NOB1: variants seen among roughly 807,000 people sequenced by gnomAD.
NOB1 encodes RNA-binding protein NOB1.
A neutral mutation model predicts 44.8 loss-of-function variants in NOB1; 44 were observed. That is an observed-to-expected ratio of 0.98 (90% CI 0.77 to 1.26). The LOEUF (loss-of-function observed/expected upper bound fraction) is 1.26, where lower values mean the gene tolerates loss of function less well. Among genes scored for constraint, NOB1 ranks in the 50% most tolerant of loss-of-function variants. The pLI is 0.00. For missense variants in NOB1, 560 were observed against 544.8 expected (o/e 1.03, Z -0.28); for synonymous variants, 238 against 218.7 (o/e 1.09, Z -0.78).
rs776068120 is a variant in NOB1 at position 69,748,344 on chromosome 16, TAAAG to T, written c.727-19_727-16del. On this transcript the variant is annotated splice_polypyrimidine_tract_variant and intron_variant, in intron 6 of 8. Coordinates refer to ENST00000268802, the MANE Select transcript of NOB1 (RefSeq NM_014062.3). ...AGCAGAACATTCTACAACCACAAGT[TAAAG>T]AAGAAATCAATTTTCTTTTCACATT... 1.9e-6 allele frequency: 3 copies of T among 1,606,394 alleles called. No homozygotes were observed. The highest frequency in any genetic ancestry group is 1.7e-5 in the Admixed American group (1 of 59,310).
Position 69,752,316 on chromosome 16 carries a change from G to GA in NOB1, c.251dup (p.Gln85ProfsTer27). On this transcript the variant is annotated frameshift_variant, in exon 3 of 9. Coordinates refer to ENST00000268802, the MANE Select transcript of NOB1 (RefSeq NM_014062.3). LOFTEE classifies it high-confidence loss of function. The stretch of plus-strand genomic sequence containing the variant: ...ACTGGTATGTGAGTGCAAGCACTTG[G>GA]ATGTCCGTGGCAGAGAGGCTGGGGT... 6.2e-7 allele frequency: 1 copy of GA among 1,613,888 alleles called. No individual in the cohort carries two copies. Among genetic ancestry groups the GA allele is most frequent in the Non-Finnish European group, 8.5e-7 (1 of 1,179,926 alleles).
At chr16:69,742,639 G>A (rs200370944) in intron 8 of NOB1, 38 bp from the exon 9 acceptor site, 14 of 1,605,938 alleles carry the variant, frequency 8.7e-6, no homozygotes, top group Admixed American at 3.3e-5. Context: ...AGAAGAAGGG[G>A]AGCCACAGTC....
At position 69,749,630 on chromosome 16, in the gene NOB1, C is replaced by T. The variant is rs2038465551; in HGVS notation, c.328G>A (p.Val110Ile). Residue 110 changes from valine to isoleucine, a missense_variant and splice_region_variant, in exon 4 of 9, where the codon GTT becomes ATT. Val to Ile is a conservative substitution (Grantham distance 29). Coordinates refer to ENST00000268802, the MANE Select transcript of NOB1 (RefSeq NM_014062.3). ...TGCTGAATCGATGAGCTCACCTTAA[C>T]CTTTAAAAAAACAAAAAACATATAC... is the stretch of plus-strand genomic sequence containing the variant. ...VSHLKQEPQK[V>I]KVSSSIQHPE... 6.3e-7 allele frequency: 1 copy of T among 1,596,042 alleles called. No homozygotes were observed. The highest frequency in any genetic ancestry group is 1.9e-5 in the Admixed American group (1 of 53,306).
chr16:69,749,503 A>G, intron 4 of NOB1, 56 bp downstream of exon 4: 1 of 1,556,532 alleles, frequency 6.4e-7, no homozygotes, highest in Middle Eastern at 1.7e-4. Context: ...TGACTTAGAG[A>G]GATGTGACAT....
chr16:69,750,490 G>A (rs1875229275), intron 3 of NOB1, among the ~76,000 whole-genome samples: 1 of 152,056 alleles, frequency 6.6e-6, no homozygotes, highest in African/African-American at 2.4e-5. Flanking sequence ...AGCCAGGCAT[G>A]GTGGTGTACA....
At position 69,743,992 on chromosome 16, in the gene NOB1, G is replaced by A. The variant is rs532854083; in HGVS notation, c.969+881C>T. Among the ~76,000 whole-genome samples, 31 of 152,304 alleles carry A rather than the reference G, an allele frequency of 2.0e-4. 1 individual carries two copies. Among genetic ancestry groups the A allele is most frequent in the Middle Eastern group, 3.4e-3 (1 of 294 alleles). On this transcript the variant is annotated intron_variant, in intron 8 of 8. Transcript: ENST00000268802. The stretch of plus-strand genomic sequence containing the variant: ...ACATGTATAAAGAGAAAGCAGACGT[G>A]GTACATGATTAACCCTGGGAAATCC...
intron 4 of NOB1, 85 bp from the exon 5 acceptor site, chr16:69,749,423 C>T: frequency 6.4e-7 from 1 of 1,558,454 alleles, no homozygotes; most frequent in Non-Finnish European, 8.7e-7. Flanking sequence ...ATATGATATA[C>T]AAGTCAGATC....
At chr16:69,746,372 G>T (rs539581060) in intron 7 of NOB1, among the ~76,000 whole-genome samples, 24 of 152,242 alleles carry the variant, frequency 1.6e-4, no homozygotes, top group Non-Finnish European at 3.4e-4. Flanking sequence ...CACCAGCAAG[G>T]CTGCGGCAGA....
intron 8 of NOB1, among the ~76,000 whole-genome samples, chr16:69,743,142 CAA>C: frequency 6.6e-6 from 1 of 152,252 alleles, no homozygotes; most frequent in Non-Finnish European, 1.5e-5. Context: ...ACACATGGCA[CAA>C]CGCGAGGCTC....
Position 69,748,327 on chromosome 16 carries a change from A to G in NOB1, c.729T>C (p.Asn243=). 6.2e-7 allele frequency: 1 copy of G among 1,612,518 alleles called. No individual in the cohort carries two copies. The highest frequency in any genetic ancestry group is 1.1e-5 in the South Asian group (1 of 90,912). ...GCLTTDFAMQ[N]VLLQMGLHVL... is the part of the protein sequence containing the mutation. Reference sequence around the variant, plus strand: ...CGTGCAGCCCCATCTGCAGCAGAACATTCTACAACCACAAGTTAAAGAAGA... The same window carrying G: ...CGTGCAGCCCCATCTGCAGCAGAACGTTCTACAACCACAAGTTAAAGAAGA... Residue 243 remains asparagine (N), a splice_region_variant and synonymous_variant, in exon 7 of 9, where the codon AAT becomes AAC. Transcript: ENST00000268802.
chr16:69,751,559 A>G, intron 3 of NOB1, among the ~76,000 whole-genome samples: 1 of 152,158 alleles, frequency 6.6e-6, no homozygotes, highest in East Asian at 1.9e-4. Flanking sequence ...TATGAACCTC[A>G]TTGGGATCCT....
intron 3 of NOB1, among the ~76,000 whole-genome samples, chr16:69,750,607 G>A (rs1256221934): frequency 6.6e-6 from 1 of 152,134 alleles, no homozygotes; most frequent in Non-Finnish European, 1.5e-5. Flanking sequence ...CAGCCCAGGT[G>A]ATGACAGGAT....
intron 2 of NOB1, among the ~76,000 whole-genome samples, chr16:69,754,047 C>T (rs1480316332): frequency 6.6e-6 from 1 of 152,176 alleles, no homozygotes; most frequent in Non-Finnish European, 1.5e-5. Flanking sequence ...TCAGGTGATG[C>T]GCCCGCCTCG....
Position 69,749,082 on chromosome 16 carries a change from C to T in NOB1, c.562G>A (p.Glu188Lys). The change falls in exon 6 of 9, where the codon GAG becomes AAG. Residue 188 changes from glutamate to lysine, a missense_variant. Transcript: ENST00000268802. The part of the protein sequence containing the change: ...RGEDVPSEEE[E>K]EEENGFEDRK... The stretch of plus-strand genomic sequence containing the variant: ...TCTTCAAACCCGTTTTCTTCCTCCT[C>T]CTCCTCCTCACTTGGAACGTCCTCA... 1.9e-6 allele frequency: 3 copies of T among 1,614,256 alleles called. No individual in the cohort carries two copies. The highest frequency in any genetic ancestry group is 1.6e-4 in the Middle Eastern group (1 of 6,062).
At chr16:69,750,535 G>A (rs2038474374) in intron 3 of NOB1, among the ~76,000 whole-genome samples, 1 of 152,160 alleles carries the variant, frequency 6.6e-6, no homozygotes, top group Non-Finnish European at 1.5e-5. Flanking sequence ...GCTGAGGTAG[G>A]AGGACTGCTT....
At chr16:69,745,099 C>G in intron 7 of NOB1, 82 bp from the exon 8 acceptor site, 1 of 1,473,942 alleles carries the variant, frequency 6.8e-7, no homozygotes, top group Non-Finnish European at 9.3e-7. Context: ...GGTCTCGGGC[C>G]TCAGGAGAAG....
chr16:69,749,690 T>C, intron 3 of NOB1, 60 bp from the exon 4 acceptor site: 1 of 1,412,328 alleles, frequency 7.1e-7, no homozygotes, highest in East Asian at 2.4e-5. Flanking sequence ...TCCAGTTTTT[T>C]TTTTTGGCCG....
intron 6 of NOB1, 99 bp downstream of exon 6, chr16:69,748,817 AAG>A: frequency 9.0e-7 from 1 of 1,117,288 alleles, no homozygotes; most frequent in Non-Finnish European, 1.2e-6. Context: ...GAACCAGGAA[AAG>A]AAGCGCTGCA....
rs202245151 is a variant in NOB1, at chr16:69,754,649, A to C, written c.141T>G (p.Ala47=). Residue 47 remains alanine (A), a synonymous_variant, in exon 2 of 9, where the codon GCT becomes GCG. Transcript: ENST00000268802. ...TGAACCGCAGCTCGTAGGGCAGGAC[A>C]GCGAGCCGCCTGCGTGTGGCCTTGT... The part of the protein sequence containing the change: ...IRDKATRRRL[A]VLPYELRFKE... 68 of 1,614,086 alleles carry C rather than the reference A, an allele frequency of 4.2e-5. No homozygotes were observed. Among genetic ancestry groups the C allele is most frequent in the Non-Finnish European group, 5.3e-5 (63 of 1,180,062 alleles).
Sources: gnomAD v4.1 joint callset for allele counts (sites outside exome capture counted in the v4.1 genomes callset) on GRCh38, gnomAD v4.1.1 for gene constraint, MANE v1.5 for transcripts, NCBI Gene and HGNC (gene_info 2026-07-23, HGNC 2026-07-21) for gene names.